The following ARHGAP32 variants were observed in gnomAD, a reference collection of about 807,000 sequenced individuals.
ARHGAP32 encodes the protein rho GTPase-activating protein 32.
In ARHGAP32, 51 loss-of-function variants were observed where a neutral mutation model predicts 186.5. The observed-to-expected ratio is 0.27, with a 90% CI of 0.22 to 0.35. The LOEUF (loss-of-function observed/expected upper bound fraction) is 0.35, where lower values mean the gene tolerates loss of function less well. Among genes scored for constraint, ARHGAP32 ranks in the 10% least tolerant of loss-of-function variants. ARHGAP32 has a pLI of 1.00. For missense variants in ARHGAP32, 2,186 were observed against 2,623.5 expected (o/e 0.83, Z 3.64); for synonymous variants, 950 against 964.3 (o/e 0.99, Z 0.27).
chr11:129,068,646 G>A (rs1940772554), intron 6 of ARHGAP32, among the ~76,000 whole-genome samples: 1 of 152,040 alleles, frequency 6.6e-6, no homozygotes, highest in African/African-American at 2.4e-5. Context: ...CCTTGATTAT[G>A]AGTGAAGCTT....
chr11:129,271,055 T>C (rs1248630019), intron 1 of ARHGAP32, among the ~76,000 whole-genome samples: 10 of 152,138 alleles, frequency 6.6e-5, no homozygotes, highest in Non-Finnish European at 4.4e-5. Flanking sequence ...GCGACCAAAA[T>C]GAAGGGTTTA....
intron 10 of ARHGAP32, among the ~76,000 whole-genome samples, chr11:129,051,254 C>T (rs1018354201): frequency 2.0e-5 from 3 of 152,198 alleles, no homozygotes; most frequent in South Asian, 4.1e-4. Context: ...TTTACACTCC[C>T]GCCAACAGTG....
intron 1 of ARHGAP32, chr11:129,203,149 A>AT (rs1944476044): frequency 6.6e-6 from 1 of 152,226 alleles, no homozygotes; most frequent in African/African-American, 2.4e-5. Context: ...GACTCAACAA[A>AT]TAACAAAAAC....
chr11:129,141,296 A>G (rs1315843254), intron 2 of ARHGAP32, among the ~76,000 whole-genome samples: 1 of 151,098 alleles, frequency 6.6e-6, no homozygotes, highest in Non-Finnish European at 1.5e-5. Context: ...TTGCCATAAA[A>G]AAGGATGAGT....
At chr11:129,266,824 G>A (rs758733480) in intron 1 of ARHGAP32, among the ~76,000 whole-genome samples, 1 of 152,096 alleles carries the variant, frequency 6.6e-6, no homozygotes, top group Non-Finnish European at 1.5e-5. Context: ...TGCAGCCTAC[G>A]TGCCCCAGCC....
At chr11:129,059,707 C>T (rs895133525) in intron 10 of ARHGAP32, among the ~76,000 whole-genome samples, 10 of 151,912 alleles carry the variant, frequency 6.6e-5, no homozygotes, top group Non-Finnish European at 1.0e-4. Flanking sequence ...ATCATGTTGG[C>T]CAGGCTTGTC....
intron 2 of ARHGAP32, among the ~76,000 whole-genome samples, chr11:129,133,559 G>A (rs541488842): frequency 6.6e-6 from 1 of 152,262 alleles, no homozygotes; most frequent in African/African-American, 2.4e-5. Context: ...GAGTAATAAG[G>A]ATTTAAATGA....
At chr11:129,111,912 C>G (rs1056783186) in intron 5 of ARHGAP32, among the ~76,000 whole-genome samples, 1 of 151,978 alleles carries the variant, frequency 6.6e-6, no homozygotes, top group South Asian at 2.1e-4. Flanking sequence ...ATGGCACATA[C>G]CGTTATGCCT....
At chr11:129,087,110 T>C (rs1167937203) in intron 6 of ARHGAP32, among the ~76,000 whole-genome samples, 1 of 152,210 alleles carries the variant, frequency 6.6e-6, no homozygotes, top group East Asian at 1.9e-4. Context: ...GGCAAGGATG[T>C]AGAGCAACAG....
chr11:129,028,113 T>C (rs899523853), intron 11 of ARHGAP32, among the ~76,000 whole-genome samples: 1 of 152,192 alleles, frequency 6.6e-6, no homozygotes, highest in Non-Finnish European at 1.5e-5. Context: ...GGAGCATCCA[T>C]ATAAAAGACG....
intron 1 of ARHGAP32, among the ~76,000 whole-genome samples, chr11:129,170,926 T>C (rs537536983): frequency 3.3e-5 from 5 of 152,244 alleles, no homozygotes; most frequent in Admixed American, 1.3e-4. Context: ...ATCAGTTATG[T>C]TGAGCTTCTT....
At chr11:128,991,431 C>A (rs1021777149) in intron 12 of ARHGAP32, among the ~76,000 whole-genome samples, 3 of 151,428 alleles carry the variant, frequency 2.0e-5, no homozygotes, top group Non-Finnish European at 4.4e-5. Flanking sequence ...AGAAAAGGAG[C>A]AAAAACTGAA....
upstream of ARHGAP32, among the ~76,000 whole-genome samples, chr11:129,194,487 A>C (rs1944363846): frequency 6.6e-6 from 1 of 152,202 alleles, no homozygotes; most frequent in African/African-American, 2.4e-5. Context: ...CAAAGAAGAA[A>C]GGGGTAAAAG....
chr11:129,090,894 A>T (rs1941557941), intron 6 of ARHGAP32, among the ~76,000 whole-genome samples: 1 of 152,182 alleles, frequency 6.6e-6, no homozygotes, highest in South Asian at 2.1e-4. Flanking sequence ...TGAGATTACT[A>T]GAATTTTTAT....
chr11:129,057,702 A>T (rs938168899), intron 10 of ARHGAP32, among the ~76,000 whole-genome samples: 3 of 33,616 alleles, frequency 8.9e-5, no homozygotes, highest in East Asian at 5.7e-4. Flanking sequence ...AGCGTTTGAT[A>T]AAAAAAAAAA....
In ARHGAP32 at chr11:128,969,668, C is replaced by T. The variant is rs1444742246; in HGVS notation, c.5545G>A (p.Glu1849Lys). The T allele has an allele frequency of 6.2e-7, 1 of 1,614,124 alleles. No homozygotes were observed. The highest frequency in any genetic ancestry group is 8.5e-7 in the Non-Finnish European group (1 of 1,180,030). The change falls in exon 23 of 23, where the codon GAG (glutamate) becomes AAG (lysine). Residue 1849 changes from glutamate to lysine, a missense_variant. Glu to Lys is a moderately conservative substitution (Grantham distance 56). Transcript: ENST00000682385. This position sits in a 1 kb window ranked among gnomAD's most constrained non-coding sequence, Gnocchi z 4.8. Reference protein sequence around the residue: ...DRFYRRHPEAEMDRAHHHGGH... With the variant: ...DRFYRRHPEAKMDRAHHHGGH... ...CCGTGATGGTGGGCTCTGTCCATCT[C>T]TGCCTCGGGATGCCTCCTATAGAAG... is the stretch of plus-strand genomic sequence containing the variant.
rs2135393574 is a variant in ARHGAP32 at position 129,127,944 on chromosome 11, C to T, written c.226-3050G>A. Among the ~76,000 whole-genome samples, 2 of 152,310 alleles carry T rather than the reference C, an allele frequency of 1.3e-5. 1 individual carries two copies. Among genetic ancestry groups the T allele is most frequent in the East Asian group, 3.9e-4 (2 of 5,192 alleles). On this transcript the variant is annotated intron_variant, in intron 2 of 22. Transcript: ENST00000682385. Reference sequence around the variant, plus strand: ...CACGCACCATTTACATTTAAACTCTCTATGTGTCTATCTCTAGCAATTAAC... The same window carrying T: ...CACGCACCATTTACATTTAAACTCTTTATGTGTCTATCTCTAGCAATTAAC...
intron 19 of ARHGAP32, among the ~76,000 whole-genome samples, chr11:128,978,391 G>C (rs572893902): frequency 1.3e-5 from 2 of 152,228 alleles, no homozygotes; most frequent in East Asian, 3.9e-4. Context: ...AGTTAAAAGA[G>C]TTATAAACTT....
intron 1 of ARHGAP32, among the ~76,000 whole-genome samples, chr11:129,235,759 T>C (rs982197813): frequency 2.6e-5 from 4 of 152,170 alleles, no homozygotes; most frequent in Non-Finnish European, 5.9e-5. Context: ...ATCATTCTTA[T>C]GCCTTTACAT....
Sources: gnomAD v4.1 joint callset for allele counts (sites outside exome capture counted in the v4.1 genomes callset) on GRCh38, gnomAD v4.1.1 for gene constraint, Gnocchi (gnomAD v3.1) non-coding constraint, MANE v1.5 for transcripts, NCBI Gene and HGNC (gene_info 2026-07-23, HGNC 2026-07-21) for gene names.